SPOCK1: variants seen among roughly 807,000 people sequenced by gnomAD.
The protein encoded by SPOCK1 is SPARC (osteonectin), cwcv and kazal like domains proteoglycan 1.
In SPOCK1, 23 loss-of-function variants were observed where a neutral mutation model predicts 55.3. The observed-to-expected ratio is 0.42, with a 90% CI of 0.30 to 0.59. The LOEUF is 0.59. Ranked by LOEUF, SPOCK1 falls within the 20% of genes least tolerant of loss-of-function variation. SPOCK1 has a pLI of 0.22. For missense variants in SPOCK1, 499 were observed against 552.5 expected (o/e 0.90, Z 0.97); for synonymous variants, 226 against 221.0 (o/e 1.02, Z -0.20).
At chr5:137,385,497 C>T (rs1580897326) in intron 2 of SPOCK1, among the ~76,000 whole-genome samples, 1 of 152,202 alleles carries the variant, frequency 6.6e-6, no homozygotes, top group Non-Finnish European at 1.5e-5. Context: ...GCAAATAGTA[C>T]ATGGTCCAAA....
intron 2 of SPOCK1, among the ~76,000 whole-genome samples, chr5:137,341,114 C>T (rs946994006): frequency 6.6e-6 from 1 of 152,188 alleles, no homozygotes; most frequent in Non-Finnish European, 1.5e-5. Flanking sequence ...TTCATGTACT[C>T]GCTGCACCAT....
At chr5:137,338,523 G>T (rs1314119187) in intron 2 of SPOCK1, among the ~76,000 whole-genome samples, 1 of 151,786 alleles carries the variant, frequency 6.6e-6, no homozygotes, top group Non-Finnish European at 1.5e-5. Flanking sequence ...TAATCCTTTG[G>T]GTATATACTC....
chr5:137,197,569 A>T (rs932240853), intron 3 of SPOCK1, among the ~76,000 whole-genome samples: 1 of 152,226 alleles, frequency 6.6e-6, no homozygotes, highest in Non-Finnish European at 1.5e-5. Flanking sequence ...AGTTTCCATT[A>T]GAAGAGAAAA....
At chr5:137,038,004 T>G (rs1250673186) in intron 6 of SPOCK1, among the ~76,000 whole-genome samples, 1 of 152,190 alleles carries the variant, frequency 6.6e-6, no homozygotes, top group South Asian at 2.1e-4. Context: ...AACAGACCTT[T>G]CTACCTAACT....
At chr5:137,369,979 A>G (rs1173194946) in intron 2 of SPOCK1, among the ~76,000 whole-genome samples, 1 of 151,934 alleles carries the variant, frequency 6.6e-6, no homozygotes, top group Non-Finnish European at 1.5e-5. Context: ...GCAACCACCA[A>G]CCCCACAGGA....
At chr5:137,021,364 A>G (rs1351217650) in intron 6 of SPOCK1, among the ~76,000 whole-genome samples, 2 of 152,194 alleles carry the variant, frequency 1.3e-5, no homozygotes, top group African/African-American at 4.8e-5. Context: ...AACTATAAAG[A>G]AAATTAATGT....
At chr5:137,419,417 T>G (rs2149825008) in intron 2 of SPOCK1, among the ~76,000 whole-genome samples, 1 of 152,324 alleles carries the variant, frequency 6.6e-6, no homozygotes, top group Admixed American at 6.5e-5. Flanking sequence ...ACGATATTGA[T>G]TCTTCCTACC....
intron 3 of SPOCK1, among the ~76,000 whole-genome samples, chr5:137,149,616 G>A (rs1311916769): frequency 6.6e-6 from 1 of 152,128 alleles, no homozygotes; most frequent in Non-Finnish European, 1.5e-5. Flanking sequence ...TCACTTTAAT[G>A]CAATTAAAAT....
chr5:137,480,508 C>T (rs1753928889), intron 2 of SPOCK1, among the ~76,000 whole-genome samples: 1 of 152,132 alleles, frequency 6.6e-6, no homozygotes, highest in South Asian at 2.1e-4. Context: ...AGAAGGTACA[C>T]CCACTGGGAA....
At chr5:137,024,318 G>GGGGGA (rs1554093479) in intron 6 of SPOCK1, among the ~76,000 whole-genome samples, 5 of 148,714 alleles carry the variant, frequency 3.4e-5, no homozygotes, top group Non-Finnish European at 5.9e-5. Context: ...GTTTGAAGGG[G>GGGGGA]GGGGGGTAGT....
At chr5:137,401,558 CAAAAA>C (rs34044799) in intron 2 of SPOCK1, among the ~76,000 whole-genome samples, 1,387 of 100,438 alleles carry the variant, frequency 0.014, 12 homozygotes, top group African/African-American at 0.043. Flanking sequence ...CTCATCTCTA[CAAAAA>C]AAAAAAAAAA....
chr5:137,412,263 G>A (rs975859269), intron 2 of SPOCK1, among the ~76,000 whole-genome samples: 2 of 152,214 alleles, frequency 1.3e-5, no homozygotes. Flanking sequence ...CAAGGGGCAG[G>A]TATAGAGCTC....
chr5:137,474,219 T>A (rs908731958), intron 2 of SPOCK1, among the ~76,000 whole-genome samples: 2 of 151,898 alleles, frequency 1.3e-5, no homozygotes, highest in Non-Finnish European at 2.9e-5. Flanking sequence ...ATATAACTTA[T>A]GGAAAAATAA....
intron 8 of SPOCK1, among the ~76,000 whole-genome samples, chr5:136,986,644 GTGGTTGA>G (rs1750847807): frequency 6.6e-6 from 1 of 152,058 alleles, no homozygotes; most frequent in Non-Finnish European, 1.5e-5. Context: ...TTTTAGTAAG[GTGGTTGA>G]GAACAAAATT....
In SPOCK1 at chr5:136,978,531, G is replaced by A; in HGVS notation, c.*123C>T. 3.0e-6 allele frequency: 3 copies of A among 992,606 alleles called. No individual in the cohort carries two copies. Among genetic ancestry groups the A allele is most frequent in the Non-Finnish European group, 4.3e-6 (3 of 698,640 alleles). The allele number at this position is 992,606 out of a possible 1,614,324, so 61.5% of individuals were successfully genotyped here. A position where few individuals can be genotyped will look rare whatever the true frequency, so the allele number is the denominator to read the frequency against. On this transcript the variant is annotated 3_prime_UTR_variant, in exon 11 of 11. Coordinates refer to ENST00000394945, the MANE Select transcript of SPOCK1 (RefSeq NM_004598.4). Reference sequence around the variant, plus strand: ...ACAAGCAGTTGTCTTCCAAACCTTAGGTCGGGTATAGAGAGCAACAATGGA... The same window carrying A: ...ACAAGCAGTTGTCTTCCAAACCTTAAGTCGGGTATAGAGAGCAACAATGGA...
chr5:137,161,681 G>C (rs1754560173), intron 3 of SPOCK1, among the ~76,000 whole-genome samples: 1 of 152,014 alleles, frequency 6.6e-6, no homozygotes, highest in Admixed American at 6.6e-5. Context: ...TTATTAACAA[G>C]TTCATAATAA....
intron 5 of SPOCK1, among the ~76,000 whole-genome samples, chr5:137,073,028 C>A (rs1191411395): frequency 6.6e-6 from 1 of 152,202 alleles, no homozygotes; most frequent in Non-Finnish European, 1.5e-5. Context: ...CATTTCTGCA[C>A]AGAGCTTGAG....
chr5:137,203,894 A>G (rs866311043), intron 3 of SPOCK1, among the ~76,000 whole-genome samples: 1 of 152,196 alleles, frequency 6.6e-6, no homozygotes, highest in African/African-American at 2.4e-5. Context: ...AATCCCTCTT[A>G]AGTAATGTGG....
intron 2 of SPOCK1, among the ~76,000 whole-genome samples, chr5:137,317,593 G>A (rs932022930): frequency 2.0e-5 from 3 of 152,148 alleles, no homozygotes; most frequent in Non-Finnish European, 2.9e-5. Flanking sequence ...AAAGCCTCTT[G>A]GACACACGTT....
Sources: gnomAD v4.1 joint callset for allele counts (sites outside exome capture counted in the v4.1 genomes callset) on GRCh38, gnomAD v4.1.1 for gene constraint, MANE v1.5 for transcripts, NCBI Gene and HGNC (gene_info 2026-07-23, HGNC 2026-07-21) for gene names.